The following MACROD1 variants were observed in gnomAD, a reference collection of about 807,000 sequenced individuals.
MACROD1 encodes the protein ADP-ribose glycohydrolase MACROD1.
In MACROD1, 31 loss-of-function variants were observed where a neutral mutation model predicts 41.4. That is an observed-to-expected ratio of 0.75 (90% confidence interval 0.56 to 1.01). MACROD1 has a LOEUF of 1.01. Among genes scored for constraint, MACROD1 ranks in the 50% least tolerant of loss-of-function variants. MACROD1 has a pLI of 0.00. For missense variants in MACROD1, 473 were observed against 460.0 expected (o/e 1.03, Z -0.26); for synonymous variants, 252 against 203.4 (o/e 1.24, Z -2.03).
At position 64,165,917 on chromosome 11, in the gene MACROD1, G is replaced by C; in HGVS notation, c.78C>G (p.Pro26=). Residue 26 remains proline (P), a synonymous_variant, in exon 1 of 11, where the codon CCC becomes CCG. Transcript: ENST00000255681. ...AAGQLLVPPR[P]RPGHLAGATR... ...TGGCACCCGCCAAGTGTCCGGGCCG[G>C]GGGCGCGGGGGGACGAGCAGCTGCC... The C allele has an allele frequency of 7.5e-7, 1 of 1,330,450 alleles. No individual in the cohort carries two copies. Among genetic ancestry groups the C allele is most frequent in the East Asian group, 3.1e-5 (1 of 32,372 alleles). 82.4% of individuals were successfully genotyped at this position (1,330,450 alleles called of 1,614,324 possible).
chr11:64,115,224 A>T (rs922362077), intron 3 of MACROD1, among the ~76,000 whole-genome samples: 1 of 152,184 alleles, frequency 6.6e-6, no homozygotes, highest in Admixed American at 6.5e-5. Flanking sequence ...ATTTTTTACC[A>T]CTATGAACAG....
At chr11:64,107,173 G>A (rs988677398) in intron 3 of MACROD1, among the ~76,000 whole-genome samples, 10 of 151,980 alleles carry the variant, frequency 6.6e-5, no homozygotes, top group Non-Finnish European at 1.5e-4. Flanking sequence ...GAGCCAACTT[G>A]CCCAGCCCAC....
chr11:64,052,181 C>T (rs513552), intron 3 of MACROD1, among the ~76,000 whole-genome samples: 22,315 of 151,780 alleles, frequency 0.15, 2,036 homozygotes, highest in Non-Finnish European at 0.2. Context: ...CCCAGAGCCC[C>T]GGTGCCAAAC....
intron 3 of MACROD1, among the ~76,000 whole-genome samples, chr11:64,022,148 C>T (rs1375274457): frequency 6.6e-6 from 1 of 151,566 alleles, no homozygotes; most frequent in African/African-American, 2.4e-5. Context: ...GCCTTGAGAG[C>T]CTTAGTGAGA....
rs1943966747 is a variant in MACROD1 at position 64,064,809 on chromosome 11, C to G, written c.518-49528G>C. Among the ~76,000 whole-genome samples the G allele has an allele frequency of 6.6e-6, 1 of 151,954 alleles. No homozygotes were observed. Among genetic ancestry groups the G allele is most frequent in the South Asian group, 2.1e-4 (1 of 4,802 alleles). On this transcript the variant is annotated intron_variant, in intron 3 of 10. Transcript: ENST00000255681. The surrounding 1 kb of genome is among the most constrained non-coding windows in gnomAD (Gnocchi z 4.5). Reference sequence around the variant, plus strand: ...GAGGCTGCCAACTAAAACCTGGGCACCCGGTGGCCAAGAGGCTAGAGTTTC... The same window carrying G: ...GAGGCTGCCAACTAAAACCTGGGCAGCCGGTGGCCAAGAGGCTAGAGTTTC...
intron 3 of MACROD1, among the ~76,000 whole-genome samples, chr11:64,048,585 G>T (rs982239829): frequency 1.8e-4 from 27 of 152,300 alleles, no homozygotes; most frequent in Middle Eastern, 3.4e-3. Flanking sequence ...AACAGTCATG[G>T]CAGCAGGGGC....
chr11:64,116,284 C>G lies in MACROD1; in HGVS notation c.517+34955G>C, dbSNP rs777092995. 1.9e-6 allele frequency: 3 copies of G among 1,598,782 alleles called. No individual in the cohort carries two copies. The highest frequency in any genetic ancestry group is 2.6e-6 in the Non-Finnish European group (3 of 1,175,342). ...CCATCCACCATGGTGGTGGCACACC[C>G]CACCGCCACTGCCACCACCACGCCC... On this transcript the variant is annotated intron_variant, in intron 3 of 10. Transcript: ENST00000255681.
At chr11:64,076,939 G>A (rs1565221610) in intron 3 of MACROD1, among the ~76,000 whole-genome samples, 1 of 152,320 alleles carries the variant, frequency 6.6e-6, no homozygotes, top group East Asian at 1.9e-4. Flanking sequence ...TCAGCACGGA[G>A]AGAATTTTCA....
chr11:63,999,270 A>G, intron 8 of MACROD1, 61 bp downstream of exon 8: 1 of 1,523,738 alleles, frequency 6.6e-7, no homozygotes. Flanking sequence ...CTGGGCGATG[A>G]TGGGGGCTGG....
intron 4 of MACROD1, chr11:64,001,465 C>A (rs1039440560): frequency 1.4e-6 from 1 of 702,324 alleles, no homozygotes; most frequent in African/African-American, 1.7e-5. Context: ...GATGGACAAA[C>A]CAAGGCCACC....
chr11:64,089,363 C>A (rs574912512), intron 3 of MACROD1, among the ~76,000 whole-genome samples: 88 of 152,178 alleles, frequency 5.8e-4, no homozygotes, highest in Non-Finnish European at 1.1e-3. Context: ...ATAGGGCCCG[C>A]AAGTCCCCTA....
rs1590939251 is a variant in MACROD1, at chr11:64,120,409, G to A, written c.517+30830C>T. 1.3e-5 allele frequency among the ~76,000 whole-genome samples: 2 copies of A among 152,322 alleles called. No individual in the cohort carries two copies. Among genetic ancestry groups the A allele is most frequent in the African/African-American group, 2.4e-5 (1 of 41,574 alleles). On this transcript the variant is annotated intron_variant, in intron 3 of 10. Coordinates refer to ENST00000255681, the MANE Select transcript of MACROD1 (RefSeq NM_014067.4). The surrounding 1 kb of genome is among the most constrained non-coding windows in gnomAD (Gnocchi z 4.5). ...TCTGTATAAAAGGCAGCCCCAGGCCGGGTGCAGTGGCTCACGCCTGTAATC... is the reference window on the plus strand; with the variant it reads ...TCTGTATAAAAGGCAGCCCCAGGCCAGGTGCAGTGGCTCACGCCTGTAATC...
chr11:64,029,317 C>A (rs1001985957), intron 3 of MACROD1, among the ~76,000 whole-genome samples: 1 of 152,136 alleles, frequency 6.6e-6, no homozygotes, highest in Non-Finnish European at 1.5e-5. Flanking sequence ...GAGCTTGGGG[C>A]CCCTGAAACA....
At chr11:64,147,856 C>A (rs562971105) in intron 3 of MACROD1, among the ~76,000 whole-genome samples, 2 of 152,146 alleles carry the variant, frequency 1.3e-5, no homozygotes, top group South Asian at 4.2e-4. Context: ...AATCCTCCTG[C>A]CTCAGCCTCC....
chr11:64,058,252 C>T (rs1427695716), intron 3 of MACROD1, among the ~76,000 whole-genome samples: 2 of 152,264 alleles, frequency 1.3e-5, no homozygotes, highest in Non-Finnish European at 2.9e-5. Context: ...GCTCCTGCCC[C>T]GAGGGTGCTC....
chr11:64,112,672 C>T (rs367857923), intron 3 of MACROD1, among the ~76,000 whole-genome samples: 3 of 152,158 alleles, frequency 2.0e-5, no homozygotes, highest in Admixed American at 1.3e-4. Flanking sequence ...GAGATGCAGG[C>T]GTGGATCTGG....
chr11:64,111,361 A>G (rs1183289769), intron 3 of MACROD1, among the ~76,000 whole-genome samples: 1 of 152,212 alleles, frequency 6.6e-6, no homozygotes, highest in Non-Finnish European at 1.5e-5. Context: ...TCCTAGACTC[A>G]GACTTGACCC....
intron 3 of MACROD1, among the ~76,000 whole-genome samples, chr11:64,100,926 C>T (rs535691794): frequency 4.6e-5 from 7 of 152,278 alleles, no homozygotes; most frequent in African/African-American, 1.2e-4. Flanking sequence ...CCAAGAGCCT[C>T]ACTTAGTGCC....
At chr11:64,006,800 C>A (rs1942920592) in intron 4 of MACROD1, among the ~76,000 whole-genome samples, 1 of 152,150 alleles carries the variant, frequency 6.6e-6, no homozygotes, top group African/African-American at 2.4e-5. Flanking sequence ...GGACTTAGTG[C>A]CTCAGTTTCT....
Sources: allele counts gnomAD v4.1 joint callset (sites outside exome capture counted in the v4.1 genomes callset), GRCh38; gene constraint gnomAD v4.1.1; non-coding constraint Gnocchi (gnomAD v3.1); transcripts MANE v1.5; gene names NCBI Gene and HGNC (gene_info 2026-07-23, HGNC 2026-07-21).